Variants in ADAMTS15 observed in about 807,000 individuals in gnomAD.
ADAMTS15 encodes the protein ADAM metallopeptidase with thrombospondin type 1 motif 15, also known as A disintegrin and metalloproteinase with thrombospondin motifs 15.
Under a neutral mutation model 79.1 loss-of-function variants are expected in ADAMTS15, and 35 were observed. The observed-to-expected ratio is 0.44, with a 90% CI of 0.34 to 0.59. The LOEUF is 0.59. ADAMTS15 is among the 20% of genes least tolerant of loss of function. The probability of loss-of-function intolerance (pLI) is 0.02; values close to 1 mark genes in which losing one functional copy is unlikely to be tolerated. For missense variants in ADAMTS15, 1,324 were observed against 1,318.7 expected (o/e 1.00, Z -0.06); for synonymous variants, 616 against 567.3 (o/e 1.09, Z -1.22).
In ADAMTS15 at chr11:130,449,230, T is replaced by A; in HGVS notation, c.257T>A (p.Val86Asp). ...GCCTTCTCCACTGAGCATCTGGGCG[T>A]CCCCCTCCAGGGGCTCACCGGGGGC... Reference protein sequence around the residue: ...APAFSTEHLGVPLQGLTGGSS... With the variant: ...APAFSTEHLGDPLQGLTGGSS... Residue 86 changes from valine to aspartate, a missense_variant, in exon 1 of 8, where the codon GTC (valine) becomes GAC (aspartate). Transcript: ENST00000299164. This position sits in a 1 kb window ranked among gnomAD's most constrained non-coding sequence, Gnocchi z 7.8. 1.2e-6 allele frequency: 2 copies of A among 1,613,734 alleles called. No individual in the cohort carries two copies. Among genetic ancestry groups the A allele is most frequent in the Non-Finnish European group, 1.7e-6 (2 of 1,179,990 alleles).
In ADAMTS15 at chr11:130,462,245, A is replaced by T. The variant is rs373541711; in HGVS notation, c.1249A>T (p.Ser417Cys). 6.8e-6 allele frequency: 11 copies of T among 1,613,036 alleles called. No individual in the cohort carries two copies. Among genetic ancestry groups the T allele is most frequent in the African/African-American group, 1.3e-5 (1 of 74,920 alleles). ...SAAIITDFLDSGHGDCLLDQP... is the reference protein window; with the variant it reads ...SAAIITDFLDCGHGDCLLDQP... ...TGCCATCATCACCGACTTCCTGGAC[A>T]GCGGGCACGGTAAGCCAGGACGGCG... is the stretch of plus-strand genomic sequence containing the variant. Residue 417 changes from serine to cysteine, a missense_variant, in exon 3 of 8, where the codon AGC (serine) becomes TGC (cysteine). Ser to Cys is a moderately radical substitution (Grantham distance 112, BLOSUM62 -1). Coordinates refer to ENST00000299164, the MANE Select transcript of ADAMTS15 (RefSeq NM_139055.4). This position sits in a 1 kb window ranked among gnomAD's most constrained non-coding sequence, Gnocchi z 4.3.
Position 130,449,089 on chromosome 11 carries a change from G to A in ADAMTS15, c.116G>A (p.Arg39His), listed in dbSNP as rs1278039232. 1 of 1,581,312 alleles carries A rather than the reference G, an allele frequency of 6.3e-7. No individual in the cohort carries two copies. Among genetic ancestry groups the A allele is most frequent in the Admixed American group, 1.7e-5 (1 of 57,376 alleles). The change falls in exon 1 of 8, where the codon CGC becomes CAC. Residue 39 changes from arginine to histidine, a missense_variant. Coordinates refer to ENST00000299164, the MANE Select transcript of ADAMTS15 (RefSeq NM_139055.4). This position sits in a 1 kb window ranked among gnomAD's most constrained non-coding sequence, Gnocchi z 7.8. ...IRLDPDINGR[R>H]YYWRGPEDSG... ...CTGGACCCGGACATTAACGGCCGCC[G>A]CTACTACTGGCGGGGTCCCGAGGAC...
chr11:130,471,165 C>T (rs1938447324), intron 6 of ADAMTS15, 43 bp from the exon 7 acceptor site: 5 of 1,585,318 alleles, frequency 3.2e-6, no homozygotes, highest in Admixed American at 1.8e-5. Flanking sequence ...ATCAGCTGAG[C>T]TGCCCTGCTC....
At chr11:130,450,353 G>A in intron 1 of ADAMTS15, 2 of 985,472 alleles carry the variant, frequency 2.0e-6, no homozygotes, top group Non-Finnish European at 2.4e-6. Flanking sequence ...ACCTCCTGAG[G>A]TCTCCTTTCA....
intron 1 of ADAMTS15, chr11:130,450,154 C>G (rs1366652125): frequency 1.0e-6 from 1 of 985,374 alleles, no homozygotes; most frequent in Non-Finnish European, 1.2e-6. Flanking sequence ...CCTGCGCTTT[C>G]CGAAGGTGTT....
chr11:130,455,049 C>T (rs890422632), intron 1 of ADAMTS15, among the ~76,000 whole-genome samples: 50 of 152,096 alleles, frequency 3.3e-4, no homozygotes, highest in African/African-American at 9.9e-4. Context: ...AGTATGAATC[C>T]GGGGGCTTGA....
chr11:130,453,823 A>G (rs1051935609), intron 1 of ADAMTS15, among the ~76,000 whole-genome samples: 2 of 152,140 alleles, frequency 1.3e-5, no homozygotes, highest in African/African-American at 4.8e-5. Flanking sequence ...TTGGTCATTT[A>G]TATTTTTCAA....
At chr11:130,456,850 C>T (rs1269687200) in intron 1 of ADAMTS15, among the ~76,000 whole-genome samples, 1 of 152,204 alleles carries the variant, frequency 6.6e-6, no homozygotes, top group Non-Finnish European at 1.5e-5. Context: ...GATGTAGCCG[C>T]AGAGATGAGC....
At chr11:130,465,965 C>T (rs967530450) in intron 4 of ADAMTS15, among the ~76,000 whole-genome samples, 20 of 151,964 alleles carry the variant, frequency 1.3e-4, no homozygotes, top group South Asian at 2.1e-4. Flanking sequence ...CTCCACCTCC[C>T]GGGTTCAAGC....
At chr11:130,452,742 G>C (rs1239491548) in intron 1 of ADAMTS15, among the ~76,000 whole-genome samples, 1 of 152,182 alleles carries the variant, frequency 6.6e-6, no homozygotes, top group Non-Finnish European at 1.5e-5. Flanking sequence ...CAGCACTTTG[G>C]GAGGCCAAGA....
rs1335639750 is a variant in ADAMTS15, at chr11:130,470,174, A to G, written c.1720+735A>G. Among the ~76,000 whole-genome samples the G allele has an allele frequency of 5.9e-3, 375 of 63,348 alleles. 19 individuals are homozygous for G. The highest frequency in any genetic ancestry group is 0.021 in the African/African-American group (204 of 9,894). 41.6% of individuals were successfully genotyped at this position (63,348 alleles called of 152,430 possible). On this transcript the variant is annotated intron_variant, in intron 5 of 7. Coordinates refer to ENST00000299164, the MANE Select transcript of ADAMTS15 (RefSeq NM_139055.4). ...TATGTGTATATATATATATATATAT[A>G]TATATATGTGTGTATATATATATAT...
In ADAMTS15 at chr11:130,472,591, C is replaced by T. The variant is rs1592151753; in HGVS notation, c.2079-456C>T. On this transcript the variant is annotated intron_variant, in intron 7 of 7. Coordinates refer to ENST00000299164, the MANE Select transcript of ADAMTS15 (RefSeq NM_139055.4). The surrounding 1 kb of genome is among the most constrained non-coding windows in gnomAD (Gnocchi z 4.7). ...TGGCGTGTGAGCCAGGCTGGATCTG[C>T]GTCCCTGCCTCCAGGGCCAGTGTCC... Among the ~76,000 whole-genome samples the T allele has an allele frequency of 1.3e-5, 2 of 152,302 alleles. No homozygotes were observed. Among genetic ancestry groups the T allele is most frequent in the African/African-American group, 2.4e-5 (1 of 41,568 alleles).
intron 4 of ADAMTS15, among the ~76,000 whole-genome samples, chr11:130,465,355 G>A (rs1051365992): frequency 1.3e-5 from 2 of 152,118 alleles, no homozygotes; most frequent in African/African-American, 2.4e-5. Context: ...ATCCCCTCTC[G>A]CTTGTTAGGG....
Position 130,449,060 on chromosome 11 carries a change from C to T in ADAMTS15, c.87C>T (p.Ile29=), listed in dbSNP as rs1173351333. ...SEPEREVVVP[I]RLDPDINGRR... ...CAGAGCGGGAGGTAGTCGTTCCCAT[C>T]CGACTGGACCCGGACATTAACGGCC... Residue 29 remains isoleucine (I), a synonymous_variant, in exon 1 of 8, where the codon ATC becomes ATT. Coordinates refer to ENST00000299164, the MANE Select transcript of ADAMTS15 (RefSeq NM_139055.4). This position sits in a 1 kb window ranked among gnomAD's most constrained non-coding sequence, Gnocchi z 7.8. 1.3e-6 allele frequency: 2 copies of T among 1,558,712 alleles called. No homozygotes were observed. Among genetic ancestry groups the T allele is most frequent in the Admixed American group, 3.7e-5 (2 of 53,698 alleles).
chr11:130,448,771 G>C lies in ADAMTS15; in HGVS notation c.-203G>C, dbSNP rs1565389067. On this transcript the variant is annotated 5_prime_UTR_variant, in exon 1 of 8. Coordinates refer to ENST00000299164, the MANE Select transcript of ADAMTS15 (RefSeq NM_139055.4). ...TCCCAGGGCGCGCTTTGCTTGGAAA[G>C]GCACAGGTAGGAAGCGCGGGCTGCC... 1.3e-5 allele frequency among the ~76,000 whole-genome samples: 2 copies of C among 152,210 alleles called. No homozygotes were observed. The highest frequency in any genetic ancestry group is 3.9e-4 in the East Asian group (2 of 5,180).
rs999442320 is a variant in ADAMTS15, at chr11:130,450,231, G to T, written c.957+301G>T. On this transcript the variant is annotated intron_variant, in intron 1 of 7. Coordinates refer to ENST00000299164, the MANE Select transcript of ADAMTS15 (RefSeq NM_139055.4). Reference sequence around the variant, plus strand: ...AGGGGCCGGAACCCAGGAAGTTGCCGCCCCGGAGCTGCAGTTTGTGTCCAA... The same window carrying T: ...AGGGGCCGGAACCCAGGAAGTTGCCTCCCCGGAGCTGCAGTTTGTGTCCAA... 3.2e-5 allele frequency: 32 copies of T among 985,470 alleles called. No homozygotes were observed. In the African/African-American group the frequency reaches 4.5e-4, roughly 14 times the overall value. The allele number at this position is 985,470 out of a possible 1,614,324, so 61.0% of individuals were successfully genotyped here.
intron 2 of ADAMTS15, 40 bp downstream of exon 2, chr11:130,461,661 G>A (rs763689750): frequency 1.2e-6 from 2 of 1,610,184 alleles, no homozygotes; most frequent in Non-Finnish European, 1.7e-6. Flanking sequence ...TTCTGGGTTT[G>A]CCTGGGGAGC....
rs780063612 is a variant in ADAMTS15 at position 130,473,086 on chromosome 11, C to G, written c.2118C>G (p.Ala706=). Residue 706 remains alanine, a synonymous_variant, in exon 8 of 8, where the codon GCC becomes GCG. Transcript: ENST00000299164. ...TCGTGGTGGCCATCCCCGCAGGCGCCTCAAGCATCGACATCCGCCAGCGCG... is the reference window on the plus strand; with the variant it reads ...TCGTGGTGGCCATCCCCGCAGGCGCGTCAAGCATCGACATCCGCCAGCGCG... ...YNFVVAIPAG[A]SSIDIRQRGY... is the part of the protein sequence containing the mutation. 1.4e-5 allele frequency: 23 copies of G among 1,613,802 alleles called. No individual in the cohort carries two copies. Among genetic ancestry groups the G allele is most frequent in the Non-Finnish European group, 1.7e-6 (2 of 1,180,048 alleles).
Position 130,473,511 on chromosome 11 carries a change from G to C in ADAMTS15, c.2543G>C (p.Trp848Ser), listed in dbSNP as rs1565399914. 6.2e-7 allele frequency: 1 copy of C among 1,609,778 alleles called. No individual in the cohort carries two copies. The highest frequency in any genetic ancestry group is 2.2e-5 in the East Asian group (1 of 44,784). ...RPPARWVAGS[W>S]GPCSASCGSG... ...CCTGCACGCTGGGTGGCTGGCAGCT[G>C]GGGGCCGTGCTCCGCGAGCTGCGGC... The change falls in exon 8 of 8, where the codon TGG becomes TCG. Residue 848 changes from tryptophan (W) to serine (S), a missense_variant. Transcript: ENST00000299164.
Sources: allele counts gnomAD v4.1 joint callset (sites outside exome capture counted in the v4.1 genomes callset), GRCh38; gene constraint gnomAD v4.1.1; non-coding constraint Gnocchi (gnomAD v3.1); transcripts MANE v1.5; gene names NCBI Gene and HGNC (gene_info 2026-07-23, HGNC 2026-07-21).